The following GALNTL6 variants were observed in gnomAD, a reference collection of about 807,000 sequenced individuals.
GALNTL6 encodes the protein polypeptide N-acetylgalactosaminyltransferase-like 6.
A neutral mutation model predicts 73.7 loss-of-function variants in GALNTL6; 46 were observed. That is an observed-to-expected ratio of 0.62 (90% CI 0.49 to 0.80). The LOEUF is 0.80. GALNTL6 is among the 30% of genes least tolerant of loss of function. GALNTL6 has a pLI of 0.00. For missense variants in GALNTL6, 604 were observed against 755.0 expected, an observed-to-expected ratio of 0.80 and a Z score of 2.34; for synonymous variants, 259 against 263.7, an observed-to-expected ratio of 0.98 and a Z score of 0.17.
chr4:172,891,759 C>G (rs59204223), intron 8 of GALNTL6, among the ~76,000 whole-genome samples: 8,909 of 152,208 alleles, frequency 0.059, 296 homozygotes, highest in Middle Eastern at 0.16. Context: ...TTCTTCTTCT[C>G]TCTCGGGAAT....
chr4:172,050,101 T>C (rs1240650350), intron 2 of GALNTL6, among the ~76,000 whole-genome samples: 2 of 152,174 alleles, frequency 1.3e-5, no homozygotes, highest in African/African-American at 4.8e-5. Flanking sequence ...GCTGGCAGGC[T>C]GGACTTTAGT....
At chr4:172,087,431 T>C (rs1282290743) in intron 2 of GALNTL6, among the ~76,000 whole-genome samples, 13 of 128,030 alleles carry the variant, frequency 1.0e-4, no homozygotes, top group Admixed American at 6.1e-4. Flanking sequence ...GGCAACAGAG[T>C]TAGACTCCAT....
At chr4:173,030,889 C>T (rs1753430132) in intron 12 of GALNTL6, among the ~76,000 whole-genome samples, 1 of 151,270 alleles carries the variant, frequency 6.6e-6, no homozygotes, top group African/African-American at 2.4e-5. Flanking sequence ...GTGGTCCCAG[C>T]TATTTGGGAG....
intron 9 of GALNTL6, among the ~76,000 whole-genome samples, chr4:172,943,341 G>T (rs527569888): frequency 2.0e-5 from 3 of 152,108 alleles, no homozygotes; most frequent in Non-Finnish European, 2.9e-5. Flanking sequence ...CCCGTCAAAG[G>T]CTTAAGATTA....
At chr4:171,990,430 A>T (rs1171442502) in intron 2 of GALNTL6, among the ~76,000 whole-genome samples, 4 of 152,184 alleles carry the variant, frequency 2.6e-5, no homozygotes, top group Admixed American at 1.3e-4. Flanking sequence ...AGGCAGAAAC[A>T]GAATGTGAAC....
At chr4:172,231,762 A>G (rs1036662034) in intron 3 of GALNTL6, among the ~76,000 whole-genome samples, 2 of 152,242 alleles carry the variant, frequency 1.3e-5, no homozygotes, top group East Asian at 3.9e-4. Context: ...TAATCCATGT[A>G]AGTTACTTTT....
At chr4:172,278,058 TAGTG>T (rs1469442289) in intron 3 of GALNTL6, among the ~76,000 whole-genome samples, 1 of 152,184 alleles carries the variant, frequency 6.6e-6, no homozygotes, top group African/African-American at 2.4e-5. Flanking sequence ...TAAAAATAAT[TAGTG>T]AGTACTTCTA....
At chr4:172,368,943 C>G (rs1485587632) in intron 5 of GALNTL6, among the ~76,000 whole-genome samples, 2 of 152,178 alleles carry the variant, frequency 1.3e-5, no homozygotes, top group Non-Finnish European at 1.5e-5. Flanking sequence ...TATTACAGCT[C>G]ATAAAGGCGG....
intron 7 of GALNTL6, among the ~76,000 whole-genome samples, chr4:172,853,623 A>T (rs573569950): frequency 2.0e-5 from 3 of 152,166 alleles, no homozygotes; most frequent in Non-Finnish European, 2.9e-5. Context: ...CCAACAACCC[A>T]TTCACTCATT....
chr4:172,680,650 C>A (rs1262748821), intron 5 of GALNTL6, among the ~76,000 whole-genome samples: 1 of 152,118 alleles, frequency 6.6e-6, no homozygotes, highest in Non-Finnish European at 1.5e-5. Context: ...GTTCTATGAT[C>A]CTATTTTAAA....
At chr4:172,565,164 T>C (rs1015589464) in intron 5 of GALNTL6, among the ~76,000 whole-genome samples, 2 of 152,192 alleles carry the variant, frequency 1.3e-5, no homozygotes, top group African/African-American at 2.4e-5. Context: ...GGCAAAGATC[T>C]CAAAACTTAA....
intron 5 of GALNTL6, among the ~76,000 whole-genome samples, chr4:172,619,430 C>G (rs185096120): frequency 6.6e-6 from 1 of 152,106 alleles, no homozygotes; most frequent in Non-Finnish European, 1.5e-5. Context: ...GATAACAAAA[C>G]GAGAGGTTTT....
intron 5 of GALNTL6, among the ~76,000 whole-genome samples, chr4:172,771,612 C>T (rs1430564476): frequency 1.3e-5 from 2 of 152,132 alleles, no homozygotes; most frequent in East Asian, 3.9e-4. Context: ...TTTGAATCAT[C>T]GTTTTCTCTG....
At chr4:172,380,931 A>G (rs543862222) in intron 5 of GALNTL6, among the ~76,000 whole-genome samples, 27 of 152,322 alleles carry the variant, frequency 1.8e-4, no homozygotes, top group African/African-American at 4.8e-4. Context: ...ATTTATTTTT[A>G]TAACAGTTAA....
chr4:172,696,668 G>A (rs1397754078), intron 5 of GALNTL6, among the ~76,000 whole-genome samples: 2 of 152,120 alleles, frequency 1.3e-5, no homozygotes, highest in Non-Finnish European at 2.9e-5. Flanking sequence ...CATGTAAGAC[G>A]TGCCTTTGCT....
chr4:172,433,141 G>A (rs1731518149), intron 5 of GALNTL6, among the ~76,000 whole-genome samples: 1 of 152,224 alleles, frequency 6.6e-6, no homozygotes, highest in African/African-American at 2.4e-5. Context: ...TTATTTCAGG[G>A]TCATACTGTA....
chr4:172,536,172 G>A (rs932706061), intron 5 of GALNTL6, among the ~76,000 whole-genome samples: 6 of 152,230 alleles, frequency 3.9e-5, no homozygotes, highest in African/African-American at 1.4e-4. Context: ...CAGCTATGTG[G>A]ATCTGAGTCC....
intron 5 of GALNTL6, among the ~76,000 whole-genome samples, chr4:172,391,006 A>G (rs1743647163): frequency 6.6e-6 from 1 of 152,204 alleles, no homozygotes; most frequent in Admixed American, 6.5e-5. Context: ...TACACTTTAA[A>G]TGAGTTACAT....
At chr4:172,981,050 T>C (rs1397229484) in intron 10 of GALNTL6, among the ~76,000 whole-genome samples, 1 of 152,238 alleles carries the variant, frequency 6.6e-6, no homozygotes, top group African/African-American at 2.4e-5. Flanking sequence ...TAAGGCTGAA[T>C]AATACTCCAT....
Sources: allele counts gnomAD v4.1 joint callset (sites outside exome capture counted in the v4.1 genomes callset), GRCh38; gene constraint gnomAD v4.1.1; transcripts MANE v1.5; gene names NCBI Gene and HGNC (gene_info 2026-07-23, HGNC 2026-07-21).